The following DOK6 variants were observed in gnomAD, a reference collection of about 807,000 sequenced individuals.
DOK6 encodes docking protein 6, also known as downstream of tyrosine kinase 6.
DOK6 carries 22 observed loss-of-function variants against 44.0 expected under a neutral mutation model. The observed-to-expected ratio is 0.50, with a 90% CI of 0.36 to 0.71. DOK6 has a LOEUF of 0.71. Ranked by LOEUF, DOK6 falls within the 30% of genes least tolerant of loss-of-function variation. The pLI, the probability that DOK6 is intolerant of heterozygous loss-of-function variation, is 0.00. For missense variants in DOK6, 340 were observed against 416.4 expected (o/e 0.82, Z 1.60); for synonymous variants, 166 against 145.5 (o/e 1.14, Z -1.01).
chr18:69,632,964 A>G (rs1984723422), intron 3 of DOK6, among the ~76,000 whole-genome samples: 1 of 152,134 alleles, frequency 6.6e-6, no homozygotes, highest in South Asian at 2.1e-4. Flanking sequence ...CTGAGTCCTC[A>G]GTTTGTATGG....
rs140419782 is a variant in DOK6, at chr18:69,543,352, A to G, written c.67-21135A>G. Among the ~76,000 whole-genome samples the G allele has an allele frequency of 1.6e-4, 24 of 151,686 alleles. 2 individuals are homozygous for G. Among genetic ancestry groups the G allele is most frequent in the East Asian group, 1.9e-4 (1 of 5,172 alleles). On this transcript the variant is annotated intron_variant, in intron 1 of 7. Coordinates refer to ENST00000382713, the MANE Select transcript of DOK6 (RefSeq NM_152721.6). ...TTCACTCTCAGGCAGGTGAACAGAG[A>G]ACAAGTGAGAAGCGATAAGTATGAG...
intron 7 of DOK6, among the ~76,000 whole-genome samples, chr18:69,791,126 C>G (rs1049986926): frequency 6.6e-5 from 10 of 152,106 alleles, no homozygotes; most frequent in Non-Finnish European, 1.2e-4. Flanking sequence ...TTTTTTATAG[C>G]TGAATATGTC....
At chr18:69,448,539 T>A (rs1046983177) in intron 1 of DOK6, among the ~76,000 whole-genome samples, 1 of 151,900 alleles carries the variant, frequency 6.6e-6, no homozygotes, top group Non-Finnish European at 1.5e-5. Flanking sequence ...GCCCAGCTAA[T>A]GTTTTTGTAT....
At chr18:69,666,590 T>C (rs1985664912) in intron 3 of DOK6, among the ~76,000 whole-genome samples, 1 of 152,186 alleles carries the variant, frequency 6.6e-6, no homozygotes, top group African/African-American at 2.4e-5. Context: ...ATATTCAGAC[T>C]GATGCAGGCA....
chr18:69,634,680 A>G (rs1342464428), intron 3 of DOK6, among the ~76,000 whole-genome samples: 2 of 152,210 alleles, frequency 1.3e-5, no homozygotes, highest in Non-Finnish European at 2.9e-5. Flanking sequence ...AGAGAAATGA[A>G]CAAGAGAAAT....
chr18:69,591,765 G>A (rs922779310), intron 2 of DOK6, among the ~76,000 whole-genome samples: 1 of 152,020 alleles, frequency 6.6e-6, no homozygotes, highest in Non-Finnish European at 1.5e-5. Context: ...TCTAGGAGTA[G>A]GAAAAGCATG....
chr18:69,644,916 T>C (rs1397541222), intron 3 of DOK6, among the ~76,000 whole-genome samples: 1 of 152,238 alleles, frequency 6.6e-6, no homozygotes, highest in Non-Finnish European at 1.5e-5. Context: ...TTAGAAAATA[T>C]TAAATGAATG....
At chr18:69,617,600 T>A (rs1249153401) in intron 3 of DOK6, among the ~76,000 whole-genome samples, 10 of 101,666 alleles carry the variant, frequency 9.8e-5, no homozygotes, top group Admixed American at 1.2e-4. Context: ...CAGAAAAGAC[T>A]GAGCGATAGG....
intron 1 of DOK6, among the ~76,000 whole-genome samples, chr18:69,457,888 A>G (rs1429505322): frequency 6.6e-6 from 1 of 152,190 alleles, no homozygotes; most frequent in African/African-American, 2.4e-5. Context: ...TCACGCCTGT[A>G]ATCTCAGCAC....
At chr18:69,649,762 T>C (rs886760670) in intron 3 of DOK6, among the ~76,000 whole-genome samples, 1 of 152,128 alleles carries the variant, frequency 6.6e-6, no homozygotes, top group Non-Finnish European at 1.5e-5. Flanking sequence ...ATGACAAAAT[T>C]CTAAGATTTT....
At chr18:69,764,556 G>C (rs545786530) in intron 7 of DOK6, among the ~76,000 whole-genome samples, 1 of 152,120 alleles carries the variant, frequency 6.6e-6, no homozygotes, top group Non-Finnish European at 1.5e-5. Context: ...CTGCCACCAC[G>C]TGAAGAAGGA....
intron 3 of DOK6, among the ~76,000 whole-genome samples, chr18:69,668,317 T>C (rs1352801671): frequency 6.6e-6 from 1 of 152,178 alleles, no homozygotes; most frequent in Non-Finnish European, 1.5e-5. Context: ...ACTCAATGCC[T>C]CTTAATACGT....
intron 4 of DOK6, among the ~76,000 whole-genome samples, chr18:69,683,924 A>G (rs1335500987): frequency 6.6e-6 from 1 of 152,194 alleles, no homozygotes; most frequent in East Asian, 1.9e-4. Context: ...TGCACCTAAC[A>G]TGTATTCATA....
intron 1 of DOK6, among the ~76,000 whole-genome samples, chr18:69,446,619 G>A (rs1599135013): frequency 6.6e-6 from 1 of 152,136 alleles, no homozygotes; most frequent in South Asian, 2.1e-4. Flanking sequence ...CTAGATCCTT[G>A]AGGAATTGCC....
rs371107005 is a variant in DOK6 at position 69,509,510 on chromosome 18, C to T, written c.67-54977C>T. Among the ~76,000 whole-genome samples the T allele has an allele frequency of 2.2e-3, 332 of 151,922 alleles. 1 individual carries two copies. Among genetic ancestry groups the T allele is most frequent in the Admixed American group, 4.5e-3 (69 of 15,258 alleles). ...AAAATTAGCCGGGCGTGGTGGCGGG[C>T]GCCTTTAGTCCCAGCTACTCGGGAG... On this transcript the variant is annotated intron_variant, in intron 1 of 7. Transcript: ENST00000382713.
chr18:69,450,687 G>C (rs1448151613), intron 1 of DOK6, among the ~76,000 whole-genome samples: 1 of 151,884 alleles, frequency 6.6e-6, no homozygotes. Flanking sequence ...TCAAAGGGAA[G>C]CCCATCAGAC....
chr18:69,625,813 A>T (rs1343543861), intron 3 of DOK6, among the ~76,000 whole-genome samples: 1 of 152,206 alleles, frequency 6.6e-6, no homozygotes, highest in Non-Finnish European at 1.5e-5. Flanking sequence ...TCATTCTGAA[A>T]CCAGTTTTTT....
rs779879612 is a variant in DOK6, at chr18:69,845,858, A to C, written c.*4475A>C. On this transcript the variant is annotated 3_prime_UTR_variant, in exon 8 of 8. Transcript: ENST00000382713. ...TAGTGAAAAACATTTAACAAGAAAC[A>C]ATGTGTAACCAAGTCCCCACAGTAA... 1 of 152,180 alleles carries C rather than the reference A, an allele frequency of 6.6e-6. No individual in the cohort carries two copies. The highest frequency in any genetic ancestry group is 1.5e-5 in the Non-Finnish European group (1 of 68,038). The allele number at this position is 152,180 out of a possible 1,614,324, so 9.4% of individuals were successfully genotyped here. A position where few individuals can be genotyped will look rare whatever the true frequency, so the allele number is the denominator to read the frequency against.
chr18:69,527,888 T>C (rs778368272), intron 1 of DOK6, among the ~76,000 whole-genome samples: 40 of 151,942 alleles, frequency 2.6e-4, no homozygotes, highest in East Asian at 9.7e-4. Context: ...CCTGGCCGGG[T>C]GCGGTGGCTC....
Sources: gnomAD v4.1 joint callset for allele counts (sites outside exome capture counted in the v4.1 genomes callset) on GRCh38, gnomAD v4.1.1 for gene constraint, MANE v1.5 for transcripts, NCBI Gene and HGNC (gene_info 2026-07-23, HGNC 2026-07-21) for gene names.